Variants in TOPAZ1 observed in about 807,000 individuals in gnomAD.
TOPAZ1 encodes protein TOPAZ1.
TOPAZ1 carries 66 observed loss-of-function variants against 172.2 expected under a neutral mutation model. The ratio of observed to expected loss-of-function variants is 0.38; its 90% CI spans 0.31 to 0.47. TOPAZ1 has a LOEUF of 0.47. Ranked by LOEUF, TOPAZ1 falls within the 20% of genes least tolerant of loss-of-function variation. The pLI, the probability that TOPAZ1 is intolerant of heterozygous loss-of-function variation, is 0.99. For synonymous variants in TOPAZ1, 681 were observed against 683.9 expected (o/e 1.00, Z 0.07); for missense variants, 1,822 against 1,972.4 (o/e 0.92, Z 1.44).
intron 4 of TOPAZ1, among the ~76,000 whole-genome samples, chr3:44,257,352 G>GGGGTGTGTGTGT (rs1264696203): frequency 4.7e-4 from 52 of 110,400 alleles, no homozygotes; most frequent in East Asian, 1.4e-3. Context: ...AAAACATAGG[G>GGGGTGTGTGTGT]GTGTGTGTGT....
intron 16 of TOPAZ1, among the ~76,000 whole-genome samples, chr3:44,316,015 A>G (rs182046399): frequency 2.3e-3 from 346 of 152,182 alleles, no homozygotes; most frequent in African/African-American, 7.8e-3. Context: ...CAGTTGGATC[A>G]TTTGAGCTCA....
chr3:44,290,720 A>G lies in TOPAZ1; in HGVS notation c.3682-51A>G, dbSNP rs376627711. 23 of 1,203,716 alleles carry G rather than the reference A, an allele frequency of 1.9e-5. No homozygotes were observed. In the African/African-American group the frequency reaches 3.3e-4, roughly 17 times the overall value. The allele number at this position is 1,203,716 out of a possible 1,614,324, so 74.6% of individuals were successfully genotyped here. On this transcript the variant is annotated intron_variant, in intron 11 of 19. Transcript: ENST00000309765. ...TTGTTTCACACACATTGGCTCCTCA[A>G]TTCTGTCACATTTTTGTAAGAATAA...
intron 4 of TOPAZ1, among the ~76,000 whole-genome samples, chr3:44,259,545 G>A (rs1163450340): frequency 7.9e-5 from 12 of 152,100 alleles, no homozygotes; most frequent in Non-Finnish European, 2.9e-5. Context: ...TGGACACTTG[G>A]TTTGTTTCCA....
intron 9 of TOPAZ1, among the ~76,000 whole-genome samples, chr3:44,283,588 TGA>T (rs1700045343): frequency 6.6e-6 from 1 of 152,218 alleles, no homozygotes; most frequent in African/African-American, 2.4e-5. Flanking sequence ...AAAATTCTTT[TGA>T]GAAGTTTTTA....
At position 44,309,979 on chromosome 3, in the gene TOPAZ1, G is replaced by C; in HGVS notation, c.4295G>C (p.Trp1432Ser). ...LKSGSLDGAI[W>S]VMRESEWIIN... ...AGTGGAAGCCTAGATGGTGCCATTT[G>C]GGTAATGAGGGGTAAGTCCTGATAT... Residue 1432 changes from tryptophan (W) to serine (S), a missense_variant, in exon 16 of 20, where the codon TGG becomes TCG. Transcript: ENST00000309765. The C allele has an allele frequency of 6.5e-7, 1 of 1,547,966 alleles. No homozygotes were observed. The highest frequency in any genetic ancestry group is 8.7e-7 in the Non-Finnish European group (1 of 1,146,050).
Position 44,243,795 on chromosome 3 carries a change from A to C in TOPAZ1, c.1289A>C (p.Asn430Thr), listed in dbSNP as rs200454057. Residue 430 changes from asparagine to threonine, a missense_variant, in exon 2 of 20, where the codon AAT becomes ACT. Physicochemically the swap from Asn to Thr is moderately conservative, Grantham distance 65. Around this residue, in one of 2 missense-constraint regions of TOPAZ1, gnomAD observed 1,489 missense variants for 1,490.8 expected, o/e 1.00. Coordinates refer to ENST00000309765, the MANE Select transcript of TOPAZ1 (RefSeq NM_001145030.2). ...IEPLLKEETE[N>T]ASEPLGYESM... The stretch of plus-strand genomic sequence containing the variant: ...CCACTTTTGAAAGAAGAAACAGAGA[A>C]TGCTTCAGAGCCGTTAGGTTATGAA... The C allele has an allele frequency of 5.7e-4, 886 of 1,551,650 alleles. 2 individuals carry two copies. The highest frequency in any genetic ancestry group is 7.3e-4 in the Non-Finnish European group (843 of 1,146,988).
chr3:44,321,149 T>C lies in TOPAZ1; in HGVS notation c.4429T>C (p.Phe1477Leu), dbSNP rs1204726069. 5 of 1,548,100 alleles carry C rather than the reference T, an allele frequency of 3.2e-6. No homozygotes were observed. Among genetic ancestry groups the C allele is most frequent in the Non-Finnish European group, 3.5e-6 (4 of 1,145,978 alleles). Reference protein sequence around the residue: ...ILAKSLYRQTFEVLQNLPGFQ... With the variant: ...ILAKSLYRQTLEVLQNLPGFQ... ...AGCCAAGAGCCTTTATAGACAGACA[T>C]TTGAAGTTTTGCAGAATCTACCAGG... The change falls in exon 17 of 20, where the codon TTT (phenylalanine) becomes CTT (leucine). Residue 1477 changes from phenylalanine (F) to leucine (L), a missense_variant. Transcript: ENST00000309765.
At chr3:44,334,114 G>A (rs974434481), downstream of TOPAZ1, among the ~76,000 whole-genome samples, 3 of 152,150 alleles carry the variant, frequency 2.0e-5, no homozygotes, top group Admixed American at 6.5e-5. Flanking sequence ...AAAGAAGCCT[G>A]GTACCAGATG....
chr3:44,305,711 TAAAAAA>T (rs993367357), intron 14 of TOPAZ1, among the ~76,000 whole-genome samples: 1 of 152,008 alleles, frequency 6.6e-6, no homozygotes, highest in African/African-American at 2.4e-5. Context: ...AAAAAAAAAT[TAAAAAA>T]AGAAAGAATG....
chr3:44,301,427 T>C (rs1472434483), intron 12 of TOPAZ1, among the ~76,000 whole-genome samples: 1 of 152,200 alleles, frequency 6.6e-6, no homozygotes, highest in Admixed American at 6.5e-5. Flanking sequence ...GATAAGTATA[T>C]ATAACTTTTG....
At chr3:44,274,530 G>A (rs1185866725) in intron 8 of TOPAZ1, among the ~76,000 whole-genome samples, 1 of 150,450 alleles carries the variant, frequency 6.6e-6, no homozygotes, top group East Asian at 1.9e-4. Flanking sequence ...GCTAAGCACT[G>A]AAAAGGCACA....
intron 10 of TOPAZ1, 69 bp from the exon 11 acceptor site, chr3:44,287,678 G>C (rs1700094878): frequency 2.8e-6 from 3 of 1,080,238 alleles, no homozygotes; most frequent in Non-Finnish European, 2.6e-6. Context: ...CAACATAAAT[G>C]AATTTGAGAA....
intron 4 of TOPAZ1, among the ~76,000 whole-genome samples, chr3:44,261,006 T>C (rs1176004702): frequency 6.6e-6 from 1 of 152,226 alleles, no homozygotes; most frequent in East Asian, 1.9e-4. Context: ...TGCTAGTCCT[T>C]ACACCAATAG....
At chr3:44,248,372 A>G (rs1269439302) in intron 2 of TOPAZ1, among the ~76,000 whole-genome samples, 1 of 152,180 alleles carries the variant, frequency 6.6e-6, no homozygotes, top group East Asian at 1.9e-4. Flanking sequence ...CTTCACTTCA[A>G]AAGCACCAGT....
At chr3:44,261,420 C>A (rs1699774525) in intron 4 of TOPAZ1, among the ~76,000 whole-genome samples, 1 of 152,116 alleles carries the variant, frequency 6.6e-6, no homozygotes, top group Non-Finnish European at 1.5e-5. Flanking sequence ...GAGGTCCTTT[C>A]CCCATTGCTT....
chr3:44,328,276 C>T lies in TOPAZ1; in HGVS notation c.4702C>T (p.Pro1568Ser), dbSNP rs1274546680. 6.6e-7 allele frequency: 1 copy of T among 1,509,694 alleles called. No homozygotes were observed. Among genetic ancestry groups the T allele is most frequent in the Non-Finnish European group, 8.8e-7 (1 of 1,132,254 alleles). 93.5% of individuals were successfully genotyped at this position (1,509,694 alleles called of 1,614,324 possible). Residue 1568 changes from proline to serine, a missense_variant, in exon 19 of 20, where the codon CCA (proline) becomes TCA (serine). This residue lies in a region of TOPAZ1 where 333 missense variants were observed against 481.7 expected (regional missense o/e 0.69). Coordinates refer to ENST00000309765, the MANE Select transcript of TOPAZ1 (RefSeq NM_001145030.2). ...KSALSLGCYP[P>S]LEGNLYRKLL... ...TGCTCTTTCCTTGGGTTGCTACCCA[C>T]CATTGGAAGGAAATTTATACCGAAA... is the stretch of plus-strand genomic sequence containing the variant.
chr3:44,291,342 C>A (rs1700135363), intron 12 of TOPAZ1, among the ~76,000 whole-genome samples: 1 of 150,454 alleles, frequency 6.6e-6, no homozygotes. Context: ...GTGGCTCACG[C>A]CTGTAATCCC....
chr3:44,329,843 G>A (rs1017404694), intron 19 of TOPAZ1, among the ~76,000 whole-genome samples: 6 of 152,160 alleles, frequency 3.9e-5, no homozygotes, highest in African/African-American at 1.2e-4. Context: ...TGCTTTGCAG[G>A]GAGGTACTGT....
At chr3:44,312,881 A>G (rs1700410754) in intron 16 of TOPAZ1, among the ~76,000 whole-genome samples, 1 of 152,242 alleles carries the variant, frequency 6.6e-6, no homozygotes, top group South Asian at 2.1e-4. Context: ...ACATATTAAT[A>G]AATATGAAAA....
Sources: gnomAD v4.1 joint callset for allele counts (sites outside exome capture counted in the v4.1 genomes callset) on GRCh38, gnomAD v4.1.1 for gene constraint, gnomAD v4.1.1 regional missense constraint, MANE v1.5 for transcripts, NCBI Gene and HGNC (gene_info 2026-07-23, HGNC 2026-07-21) for gene names.